NR3C2: variants seen among roughly 807,000 people sequenced by gnomAD.
The protein encoded by NR3C2 is nuclear receptor subfamily 3 group C member 2, also known as mineralocorticoid receptor.
A neutral mutation model predicts 86.4 loss-of-function variants in NR3C2; 15 were observed. The ratio of observed to expected loss-of-function variants is 0.17; its 90% CI spans 0.12 to 0.27. The LOEUF is 0.27. Ranked by LOEUF, NR3C2 falls within the 10% of genes least tolerant of loss-of-function variation. The probability of loss-of-function intolerance (pLI) is 1.00; values close to 1 mark genes in which losing one functional copy is unlikely to be tolerated. For missense variants in NR3C2, 960 were observed against 1,195.6 expected (o/e 0.80, Z 2.91); for synonymous variants, 458 against 450.5 (o/e 1.02, Z -0.21).
At chr4:148,242,931 T>C (rs1352360173) in intron 3 of NR3C2, among the ~76,000 whole-genome samples, 1 of 151,978 alleles carries the variant, frequency 6.6e-6, no homozygotes, top group Non-Finnish European at 1.5e-5. Flanking sequence ...CACACAAAAA[T>C]ACTATTAAAA....
At position 148,435,235 on chromosome 4, in the gene NR3C2, T is replaced by C. The variant is rs1362489246; in HGVS notation, c.1626A>G (p.Gln542=). The C allele has an allele frequency of 1.3e-5, 21 of 1,614,162 alleles. No homozygotes were observed. Among genetic ancestry groups the C allele is most frequent in the African/African-American group, 4.0e-5 (3 of 75,036 alleles). ...TISLSRSARD[Q]SFQHLSSFPP... ...GAAAGGAACTCAGGTGTTGGAAAGA[T>C]TGGTCTCTAGCCGATCGTGATAAAG... Residue 542 remains glutamine (Q), a synonymous_variant, in exon 2 of 9, where the codon CAA becomes CAG. Coordinates refer to ENST00000358102, the MANE Select transcript of NR3C2 (RefSeq NM_000901.5).
At chr4:148,213,464 T>G (rs1270989770) in intron 3 of NR3C2, among the ~76,000 whole-genome samples, 1 of 152,188 alleles carries the variant, frequency 6.6e-6, no homozygotes, top group Non-Finnish European at 1.5e-5. Flanking sequence ...ACCTAATAAC[T>G]TACTCACAAT....
intron 2 of NR3C2, among the ~76,000 whole-genome samples, chr4:148,293,903 T>A (rs1417557100): frequency 6.6e-6 from 1 of 152,202 alleles, no homozygotes. Context: ...GTTGGGTGCC[T>A]ATAATTTGCT....
At chr4:148,241,449 C>A (rs952252735) in intron 3 of NR3C2, among the ~76,000 whole-genome samples, 1 of 151,746 alleles carries the variant, frequency 6.6e-6, no homozygotes, top group Admixed American at 6.6e-5. Flanking sequence ...CCCTTCCATA[C>A]CACATTAGCC....
At chr4:148,193,254 C>G (rs1176345956) in intron 4 of NR3C2, among the ~76,000 whole-genome samples, 1 of 152,190 alleles carries the variant, frequency 6.6e-6, no homozygotes, top group Non-Finnish European at 1.5e-5. Flanking sequence ...TTCAGCTTCT[C>G]CAGTGGGGGT....
intron 2 of NR3C2, among the ~76,000 whole-genome samples, chr4:148,332,870 T>A (rs1365024487): frequency 6.6e-6 from 1 of 152,212 alleles, no homozygotes; most frequent in South Asian, 2.1e-4. Flanking sequence ...TGTATGTGTA[T>A]GTGTTTCGAC....
chr4:148,118,345 G>C (rs933843519), intron 7 of NR3C2, among the ~76,000 whole-genome samples: 2 of 152,108 alleles, frequency 1.3e-5, no homozygotes, highest in Non-Finnish European at 2.9e-5. Flanking sequence ...CTTTCTCTGT[G>C]GAGGCCATGC....
At chr4:148,310,337 G>C (rs746725641) in intron 2 of NR3C2, among the ~76,000 whole-genome samples, 28 of 152,152 alleles carry the variant, frequency 1.8e-4, no homozygotes, top group Non-Finnish European at 3.8e-4. Flanking sequence ...AAAATGGCTA[G>C]ATAAAACTCA....
intron 8 of NR3C2, among the ~76,000 whole-genome samples, chr4:148,104,342 G>GGTTTGT (rs1731686588): frequency 2.0e-3 from 126 of 63,782 alleles, no homozygotes; most frequent in Non-Finnish European, 3.5e-3. Flanking sequence ...TTTTGGTTTG[G>GGTTTGT]TTTTTTTTTT....
At chr4:148,107,333 AAGT>A (rs1372837154) in intron 8 of NR3C2, among the ~76,000 whole-genome samples, 2 of 152,210 alleles carry the variant, frequency 1.3e-5, no homozygotes, top group Non-Finnish European at 2.9e-5. Context: ...AATTATTAAA[AAGT>A]CAGGAAACAA....
intron 2 of NR3C2, among the ~76,000 whole-genome samples, chr4:148,349,791 ATTTC>A (rs552481078): frequency 3.6e-4 from 55 of 152,262 alleles, no homozygotes; most frequent in African/African-American, 1.2e-3. Context: ...TACTTGCTAA[ATTTC>A]TTTGAGTCTC....
intron 2 of NR3C2, among the ~76,000 whole-genome samples, chr4:148,390,223 C>G (rs933422608): frequency 6.7e-6 from 1 of 150,354 alleles, no homozygotes; most frequent in South Asian, 2.1e-4. Context: ...GATCAGGAAC[C>G]CTTCAAGTAT....
At chr4:148,202,367 G>T (rs1434436999) in intron 3 of NR3C2, among the ~76,000 whole-genome samples, 1 of 152,142 alleles carries the variant, frequency 6.6e-6, no homozygotes, top group African/African-American at 2.4e-5. Context: ...CATTTGAGAA[G>T]AATTAATCTG....
chr4:148,214,876 G>T (rs544586354), intron 3 of NR3C2, among the ~76,000 whole-genome samples: 1 of 152,314 alleles, frequency 6.6e-6, no homozygotes, highest in South Asian at 2.1e-4. Flanking sequence ...AAAAAATTAT[G>T]CAGGCCAAAC....
At chr4:148,354,519 G>A (rs1432854969) in intron 2 of NR3C2, among the ~76,000 whole-genome samples, 1 of 151,990 alleles carries the variant, frequency 6.6e-6, no homozygotes, top group Non-Finnish European at 1.5e-5. Context: ...ACCCAATGAA[G>A]ATAAATAATT....
At chr4:148,323,709 A>C (rs558940499) in intron 2 of NR3C2, among the ~76,000 whole-genome samples, 9 of 152,216 alleles carry the variant, frequency 5.9e-5, no homozygotes, top group African/African-American at 1.9e-4. Context: ...GTGCTTCCCA[A>C]GTGAGGCAAT....
chr4:148,368,549 T>C (rs1268525615), intron 2 of NR3C2: 2 of 152,106 alleles, frequency 1.3e-5, no homozygotes, highest in East Asian at 3.8e-4. Flanking sequence ...ACATGGTACT[T>C]TCATATATAC....
At chr4:148,143,445 C>A (rs1733715298) in intron 6 of NR3C2, among the ~76,000 whole-genome samples, 1 of 152,214 alleles carries the variant, frequency 6.6e-6, no homozygotes, top group African/African-American at 2.4e-5. Context: ...ATGCCACCAA[C>A]TTATACCTAC....
intron 3 of NR3C2, among the ~76,000 whole-genome samples, chr4:148,234,859 T>C (rs1738666866): frequency 6.6e-6 from 1 of 152,154 alleles, no homozygotes; most frequent in Non-Finnish European, 1.5e-5. Context: ...ATATGCAGGT[T>C]TGCTATACAG....
Sources: gnomAD v4.1 joint callset for allele counts (sites outside exome capture counted in the v4.1 genomes callset) on GRCh38, gnomAD v4.1.1 for gene constraint, MANE v1.5 for transcripts, NCBI Gene and HGNC (gene_info 2026-07-23, HGNC 2026-07-21) for gene names.